FOXK2: variants seen among roughly 807,000 people sequenced by gnomAD.
The protein encoded by FOXK2 is forkhead box K2, also known as forkhead box protein K2.
In FOXK2, 24 loss-of-function variants were observed where a neutral mutation model predicts 53.3. The ratio of observed to expected loss-of-function variants is 0.45; its 90% CI spans 0.33 to 0.63. The LOEUF is 0.63. Among genes scored for constraint, FOXK2 ranks in the 30% least tolerant of loss-of-function variants. FOXK2 has a pLI of 0.03. For missense variants in FOXK2, 952 were observed against 910.5 expected (o/e 1.05, Z -0.59); for synonymous variants, 505 against 407.1 (o/e 1.24, Z -2.89).
chr17:82,520,266 G>A lies in FOXK2; in HGVS notation c.378G>A (p.Val126=). ...LGKNGVFVDG[V]FQRRGAPPLQ... ...AGAACGGGGTATTCGTGGACGGCGT[G>A]TTCCAGAGGCGCGGGGCGCCGCCGC... The change falls in exon 1 of 9, where the codon GTG becomes GTA. Residue 126 remains valine (V), a synonymous_variant. Transcript: ENST00000335255. The A allele has an allele frequency of 2.4e-6, 3 of 1,275,726 alleles. No individual in the cohort carries two copies. Among genetic ancestry groups the A allele is most frequent in the Non-Finnish European group, 3.0e-6 (3 of 1,006,962 alleles). The allele number at this position is 1,275,726 out of a possible 1,614,324, so 79.0% of individuals were successfully genotyped here.
At chr17:82,570,009 T>C (rs1449143086) in intron 3 of FOXK2, among the ~76,000 whole-genome samples, 1 of 146,770 alleles carries the variant, frequency 6.8e-6, no homozygotes, top group South Asian at 2.2e-4. Context: ...GATCACGAGG[T>C]CAGGAGATCG....
chr17:82,523,967 T>G (rs1471868131), intron 1 of FOXK2, among the ~76,000 whole-genome samples: 1 of 152,232 alleles, frequency 6.6e-6, no homozygotes, highest in Non-Finnish European at 1.5e-5. Context: ...TGATCTTGGC[T>G]CACTGCAACC....
intron 8 of FOXK2, among the ~76,000 whole-genome samples, chr17:82,597,871 A>T (rs1375751598): frequency 6.6e-6 from 1 of 151,786 alleles, no homozygotes; most frequent in Non-Finnish European, 1.5e-5. Context: ...GCTGGTCTCA[A>T]ACTCCTGACC....
chr17:82,530,190 A>G lies in FOXK2; in HGVS notation c.419+9883A>G, dbSNP rs149089289. ...TTTGACTTTCATTTGGACAGATGGAATATAGAAAACCTGAAATAGGCCGGG... is the reference window on the plus strand; with the variant it reads ...TTTGACTTTCATTTGGACAGATGGAGTATAGAAAACCTGAAATAGGCCGGG... On this transcript the variant is annotated intron_variant, in intron 1 of 8. Coordinates refer to ENST00000335255, the MANE Select transcript of FOXK2 (RefSeq NM_004514.4). 1.6e-3 allele frequency among the ~76,000 whole-genome samples: 246 copies of G among 152,252 alleles called. 1 individual carries two copies. Among genetic ancestry groups the G allele is most frequent in the African/African-American group, 5.8e-3 (241 of 41,558 alleles).
At chr17:82,527,959 C>G (rs2044434587) in intron 1 of FOXK2, among the ~76,000 whole-genome samples, 1 of 152,118 alleles carries the variant, frequency 6.6e-6, no homozygotes, top group Non-Finnish European at 1.5e-5. Context: ...CATGGCCATT[C>G]AGGGCTAATT....
intron 6 of FOXK2, 36 bp from the exon 7 acceptor site, chr17:82,585,868 A>C: frequency 6.3e-7 from 1 of 1,584,426 alleles, no homozygotes; most frequent in Non-Finnish European, 8.6e-7. Flanking sequence ...AGAAGTCAGT[A>C]TCTGTAAGTG....
intron 1 of FOXK2, among the ~76,000 whole-genome samples, chr17:82,555,167 A>T (rs1383886633): frequency 6.6e-6 from 1 of 152,120 alleles, no homozygotes; most frequent in African/African-American, 2.4e-5. Context: ...ATTGACCCCA[A>T]GTGCTTCTGT....
intron 1 of FOXK2, among the ~76,000 whole-genome samples, chr17:82,547,164 G>T (rs1240035787): frequency 1.3e-5 from 2 of 151,870 alleles, no homozygotes; most frequent in African/African-American, 4.8e-5. Flanking sequence ...TGATTTTAAA[G>T]CTACAACCTT....
chr17:82,536,645 G>T (rs1016484220), intron 1 of FOXK2, among the ~76,000 whole-genome samples: 1 of 152,194 alleles, frequency 6.6e-6, no homozygotes, highest in Non-Finnish European at 1.5e-5. Flanking sequence ...TGATGGGCTT[G>T]CCCTTGGCCT....
At chr17:82,536,608 T>G (rs1273994232) in intron 1 of FOXK2, among the ~76,000 whole-genome samples, 1 of 152,272 alleles carries the variant, frequency 6.6e-6, no homozygotes, top group South Asian at 2.1e-4. Flanking sequence ...ACGAACTGGC[T>G]CTGTGCCTGA....
At chr17:82,539,666 A>T (rs2044555772) in intron 1 of FOXK2, among the ~76,000 whole-genome samples, 1 of 144,766 alleles carries the variant, frequency 6.9e-6, no homozygotes, top group Non-Finnish European at 1.5e-5. Flanking sequence ...AAATTAATTA[A>T]AAAATATATG....
chr17:82,535,169 C>T (rs112513790), intron 1 of FOXK2, among the ~76,000 whole-genome samples: 8 of 152,220 alleles, frequency 5.3e-5, no homozygotes, highest in Non-Finnish European at 1.2e-4. Context: ...TGTAAGCCAC[C>T]GTGCCCGGCC....
chr17:82,537,735 C>G (rs1017670640), intron 1 of FOXK2, among the ~76,000 whole-genome samples: 5 of 151,314 alleles, frequency 3.3e-5, no homozygotes, highest in Non-Finnish European at 5.9e-5. Flanking sequence ...ACCATCCTGG[C>G]CAACATGGAA....
At chr17:82,557,080 A>T (rs1275754716) in intron 1 of FOXK2, among the ~76,000 whole-genome samples, 2 of 149,000 alleles carry the variant, frequency 1.3e-5, no homozygotes, top group Admixed American at 1.4e-4. Flanking sequence ...CCCAGGCTGG[A>T]GTGCAATGGT....
chr17:82,586,039 A>C lies in FOXK2; in HGVS notation c.1415A>C (p.His472Pro). Residue 472 changes from histidine to proline, a missense_variant, in exon 7 of 9, where the codon CAC becomes CCC. Physicochemically the swap from His to Pro is moderately conservative, Grantham distance 77. Transcript: ENST00000335255. ...TSQPPVVQTV[H>P]VVHQIPAVSV... ...CAGCCACCCGTCGTGCAGACGGTTC[A>C]CGTCGTCCACCAGATCCCAGCGGTG... 6.2e-7 allele frequency: 1 copy of C among 1,612,738 alleles called. No homozygotes were observed. The highest frequency in any genetic ancestry group is 8.5e-7 in the Non-Finnish European group (1 of 1,179,982).
chr17:82,576,417 TACAAGAA>T (rs2044986942), intron 4 of FOXK2, among the ~76,000 whole-genome samples: 1 of 152,204 alleles, frequency 6.6e-6, no homozygotes, highest in African/African-American at 2.4e-5. Context: ...GGTTAATGAA[TACAAGAA>T]GGTGTTTCAG....
chr17:82,584,202 A>G lies in FOXK2; in HGVS notation c.1279+14A>G, dbSNP rs1293604803. Reference sequence around the variant, plus strand: ...AGAGCGCCCCAGGTGAGACAGCGGGAGAGGAAGCGAGGGCCCCAACAGCGT... The same window carrying G: ...AGAGCGCCCCAGGTGAGACAGCGGGGGAGGAAGCGAGGGCCCCAACAGCGT... On this transcript the variant is annotated intron_variant, in intron 6 of 8. Coordinates refer to ENST00000335255, the MANE Select transcript of FOXK2 (RefSeq NM_004514.4). 4 of 1,575,052 alleles carry G rather than the reference A, an allele frequency of 2.5e-6. No individual in the cohort carries two copies. In the South Asian group the frequency reaches 4.5e-5, roughly 18 times the overall value.
At chr17:82,534,626 A>G (rs543566277) in intron 1 of FOXK2, among the ~76,000 whole-genome samples, 2 of 152,308 alleles carry the variant, frequency 1.3e-5, no homozygotes, top group African/African-American at 4.8e-5. Flanking sequence ...CTTATCGCAC[A>G]TGAGATGGTC....
intron 1 of FOXK2, among the ~76,000 whole-genome samples, chr17:82,520,948 C>T (rs888923683): frequency 2.0e-5 from 3 of 152,148 alleles, no homozygotes; most frequent in Non-Finnish European, 4.4e-5. Context: ...TACAAAAAGA[C>T]AGTTGATTAG....
Sources: gnomAD v4.1 joint callset for allele counts (sites outside exome capture counted in the v4.1 genomes callset) on GRCh38, gnomAD v4.1.1 for gene constraint, MANE v1.5 for transcripts, NCBI Gene and HGNC (gene_info 2026-07-23, HGNC 2026-07-21) for gene names.